Variants in TRMT1L observed in about 807,000 individuals in gnomAD.
TRMT1L encodes tRNA methyltransferase 1L.
TRMT1L carries 28 observed loss-of-function variants against 81.6 expected under a neutral mutation model. The observed-to-expected ratio is 0.34, with a 90% CI of 0.25 to 0.47. The LOEUF is 0.47. TRMT1L is among the 20% of genes least tolerant of loss of function. The pLI is 1.00. For synonymous variants in TRMT1L, 301 were observed against 303.2 expected, an observed-to-expected ratio of 0.99 and a Z score of 0.07; for missense variants, 739 against 877.1, an observed-to-expected ratio of 0.84 and a Z score of 1.99.
At position 185,156,559 on chromosome 1, in the gene TRMT1L, C is replaced by G; in HGVS notation, c.154G>C (p.Ala52Pro). ...ALDSAPTPASAPAPAPALAQA... is the reference protein window; with the variant it reads ...ALDSAPTPASPPAPAPALAQA... Reference sequence around the variant, plus strand: ...GCCAGGGCAGGGGCTGGGGCTGGAGCCGAGGCCGGAGTCGGAGCCGAGTCC... The same window carrying G: ...GCCAGGGCAGGGGCTGGGGCTGGAGGCGAGGCCGGAGTCGGAGCCGAGTCC... The change falls in exon 1 of 15, where the codon GCT becomes CCT. Residue 52 changes from alanine to proline, a missense_variant. By Grantham distance (27) the Ala-to-Pro change is conservative. Around this residue, in one of 4 missense-constraint regions of TRMT1L, gnomAD observed 209 missense variants for 165.4 expected, o/e 1.26. Coordinates refer to ENST00000367506, the MANE Select transcript of TRMT1L (RefSeq NM_030934.5). The G allele has an allele frequency of 2.5e-6, 4 of 1,602,510 alleles. No individual in the cohort carries two copies. The highest frequency in any genetic ancestry group is 3.4e-6 in the Non-Finnish European group (4 of 1,174,890).
Position 185,156,632 on chromosome 1 carries a change from C to T in TRMT1L, c.81G>A (p.Pro27=). ...CTGGGACCCCAGCCGAGTCCCGGGC[C>T]GGGGTCGGGACCTGGACCTGGGCCA... ...VEVAQVQVPT[P]ARDSAGVPAP... The change falls in exon 1 of 15, where the codon CCG becomes CCA. Residue 27 remains proline, a synonymous_variant. Coordinates refer to ENST00000367506, the MANE Select transcript of TRMT1L (RefSeq NM_030934.5). 2 of 1,604,832 alleles carry T rather than the reference C, an allele frequency of 1.2e-6. No homozygotes were observed. The highest frequency in any genetic ancestry group is 2.2e-5 in the East Asian group (1 of 44,494).
chr1:185,141,721 C>T (rs1469363367), intron 7 of TRMT1L, among the ~76,000 whole-genome samples: 7 of 151,996 alleles, frequency 4.6e-5, no homozygotes, highest in South Asian at 2.1e-4. Context: ...TAAAGAAAAA[C>T]GGTGTATGGT....
In TRMT1L at chr1:185,150,538, T is replaced by C. The variant is rs756078780; in HGVS notation, c.347-46A>G. On this transcript the variant is annotated intron_variant, in intron 2 of 14. Transcript: ENST00000367506. ...AATAAACAACAGAATATTCTAGTTA[T>C]TAATGCCTGGATTCAACTACAAAGA... 2.2e-6 allele frequency: 3 copies of C among 1,359,688 alleles called. No individual in the cohort carries two copies. The East Asian group carries it at 7.0e-5, about 32-fold the overall frequency. 84.2% of individuals were successfully genotyped at this position (1,359,688 alleles called of 1,614,324 possible).
At position 185,140,029 on chromosome 1, in the gene TRMT1L, A is replaced by G. The variant is rs894408136; in HGVS notation, c.1053T>C (p.Ile351=). Residue 351 remains isoleucine, a synonymous_variant, in exon 8 of 15, where the codon ATT becomes ATC. Transcript: ENST00000367506. ...LEEGEKNLGN[I]KVTKMDANVL... ...CATTGGCATCCATTTTGGTCACCTT[A>G]ATATTACCAAGATTTTTCTCTCCTT... 1.2e-6 allele frequency: 2 copies of G among 1,613,626 alleles called. No individual in the cohort carries two copies. The highest frequency in any genetic ancestry group is 1.7e-6 in the Non-Finnish European group (2 of 1,179,814).
chr1:185,121,640 C>A (rs1203333419), intron 13 of TRMT1L, among the ~76,000 whole-genome samples: 1 of 151,944 alleles, frequency 6.6e-6, no homozygotes, highest in Non-Finnish European at 1.5e-5. Context: ...TAATGAGGCA[C>A]CTAGTCAAAG....
intron 5 of TRMT1L, 126 bp from the exon 6 acceptor site, chr1:185,144,155 T>C (rs973688192): frequency 1.3e-5 from 14 of 1,067,278 alleles, no homozygotes; most frequent in East Asian, 2.8e-5. Flanking sequence ...AAAATAACTT[T>C]ATATTATTTT....
rs764784262 is a variant in TRMT1L at position 185,150,463 on chromosome 1, T to C, written c.376A>G (p.Lys126Glu). The change falls in exon 3 of 15, where the codon AAG (lysine) becomes GAG (glutamate). Residue 126 changes from lysine to glutamate, a missense_variant. Transcript: ENST00000367506. ...GNRQACPLCP[K>E]EKFRACNSHK... ...CTATTACAAGCTCTGAATTTTTCCT[T>C]AGGGCACAATGGACAAGCCTGTCTG... 16 of 1,613,146 alleles carry C rather than the reference T, an allele frequency of 9.9e-6. No homozygotes were observed. Among genetic ancestry groups the C allele is most frequent in the African/African-American group, 1.3e-5 (1 of 74,888 alleles).
intron 9 of TRMT1L, 65 bp downstream of exon 9, chr1:185,139,301 CT>C: frequency 5.2e-6 from 7 of 1,339,380 alleles, no homozygotes; most frequent in Non-Finnish European, 7.3e-6. Flanking sequence ...GTAAGTACTT[CT>C]TGTAATATTA....
chr1:185,131,443 AACAAT>A (rs1652768002), intron 10 of TRMT1L, among the ~76,000 whole-genome samples: 1 of 152,218 alleles, frequency 6.6e-6, no homozygotes, highest in African/African-American at 2.4e-5. Flanking sequence ...AAACAACAGC[AACAAT>A]ACAAAACAAA....
chr1:185,121,258 C>A (rs1162595363), intron 13 of TRMT1L, among the ~76,000 whole-genome samples: 2 of 152,042 alleles, frequency 1.3e-5, no homozygotes, highest in Non-Finnish European at 2.9e-5. Context: ...ATGGTCAAAT[C>A]TTATCTCTTC....
chr1:185,137,102 G>A lies in TRMT1L; in HGVS notation c.1513+504C>T, dbSNP rs1652919858. ...ACCTAACAGAAAACAATAAGCAACT[G>A]TTTCCATGTCCCAGAACTGAAACAA... On this transcript the variant is annotated intron_variant, in intron 10 of 14. Transcript: ENST00000367506. 2.0e-5 allele frequency among the ~76,000 whole-genome samples: 3 copies of A among 152,216 alleles called. No homozygotes were observed. In the South Asian group the frequency reaches 6.2e-4, roughly 32 times the overall value.
intron 4 of TRMT1L, 118 bp downstream of exon 4, chr1:185,147,064 G>T: frequency 1.8e-6 from 1 of 542,772 alleles, no homozygotes; most frequent in South Asian, 3.3e-5. Flanking sequence ...AGGACTCAGA[G>T]AATTTTAAAG....
chr1:185,124,917 C>A, intron 12 of TRMT1L, 27 bp downstream of exon 12: 1 of 1,589,000 alleles, frequency 6.3e-7, no homozygotes, highest in East Asian at 2.3e-5. Flanking sequence ...CAGTTTAAAG[C>A]TAGTAAGCTA....
Position 185,156,769 on chromosome 1 carries a change from G to T in TRMT1L, c.-57C>A. 1.2e-6 allele frequency: 2 copies of T among 1,602,832 alleles called. No homozygotes were observed. Among genetic ancestry groups the T allele is most frequent in the South Asian group, 1.1e-5 (1 of 89,660 alleles). On this transcript the variant is annotated 5_prime_UTR_variant, in exon 1 of 15. Coordinates refer to ENST00000367506, the MANE Select transcript of TRMT1L (RefSeq NM_030934.5). ...GACCCGGAGCGGGGCTCACGGCGGG[G>T]TCAGAGAACTGACGTGAATGCCCAC...
chr1:185,123,808 C>A lies in TRMT1L; in HGVS notation c.1822+49G>T, dbSNP rs1248168974. ...TCTCTTCCTACCCTTTTGCTATATG[C>A]CTTTTTGACCTGATATGTACATATG... On this transcript the variant is annotated intron_variant, in intron 13 of 14. Coordinates refer to ENST00000367506, the MANE Select transcript of TRMT1L (RefSeq NM_030934.5). 1.6e-5 allele frequency: 18 copies of A among 1,149,970 alleles called. No individual in the cohort carries two copies. In the East Asian group the frequency reaches 5.2e-4, roughly 33 times the overall value. The allele number at this position is 1,149,970 out of a possible 1,614,324, so 71.2% of individuals were successfully genotyped here.
chr1:185,144,809 T>G (rs1653146386), intron 5 of TRMT1L, among the ~76,000 whole-genome samples: 1 of 151,958 alleles, frequency 6.6e-6, no homozygotes, highest in Non-Finnish European at 1.5e-5. Flanking sequence ...TACCCTTTTC[T>G]ACCCGTGAGG....
In TRMT1L at chr1:185,156,892, AACAG is replaced by A; in HGVS notation, c.-184_-181del. ...CAGTGACCAAATCCTGTTAGTAGAA[AACAG>A]AAAGCCAGAGGCAGCGATTCCAGAT... On this transcript the variant is annotated 5_prime_UTR_variant, in exon 1 of 15. Coordinates refer to ENST00000367506, the MANE Select transcript of TRMT1L (RefSeq NM_030934.5). 1 of 852,486 alleles carries A rather than the reference AACAG, an allele frequency of 1.2e-6. No individual in the cohort carries two copies. The highest frequency in any genetic ancestry group is 1.7e-6 in the Non-Finnish European group (1 of 585,686). The allele number at this position is 852,486 out of a possible 1,614,324, so 52.8% of individuals were successfully genotyped here.
chr1:185,156,708 T>G lies in TRMT1L; in HGVS notation c.5A>C (p.Glu2Ala), dbSNP rs201874064. The part of the protein sequence containing the change: M[E>A]NMAEEELLPL... ...CAGCAGCTCCTCCTCCGCCATATTC[T>G]CCATAGTTACCGCCTCCGTGCCAAG... is the stretch of plus-strand genomic sequence containing the variant. The change falls in exon 1 of 15, where the codon GAG becomes GCG. Residue 2 changes from glutamate to alanine, a missense_variant. Transcript: ENST00000367506. The G allele has an allele frequency of 1.5e-5, 24 of 1,612,600 alleles. No individual in the cohort carries two copies. The East Asian group carries it at 4.9e-4, about 33-fold the overall frequency.
chr1:185,138,761 A>G (rs1219689836), intron 9 of TRMT1L, among the ~76,000 whole-genome samples: 1 of 152,230 alleles, frequency 6.6e-6, no homozygotes, highest in Non-Finnish European at 1.5e-5. Context: ...ATAAATAAAG[A>G]AGATAAAACA....
Sources: allele counts gnomAD v4.1 joint callset (sites outside exome capture counted in the v4.1 genomes callset), GRCh38; gene constraint gnomAD v4.1.1; regional missense constraint gnomAD v4.1.1; transcripts MANE v1.5; gene names NCBI Gene and HGNC (gene_info 2026-07-23, HGNC 2026-07-21).